CTBP2: variants seen among roughly 807,000 people sequenced by gnomAD.
CTBP2 encodes the protein C-terminal-binding protein 2.
In CTBP2, 30 loss-of-function variants were observed where a neutral mutation model predicts 80.3. The observed-to-expected ratio is 0.37, with a 90% CI of 0.28 to 0.51. The LOEUF (loss-of-function observed/expected upper bound fraction) is 0.51, where lower values mean the gene tolerates loss of function less well. Among genes scored for constraint, CTBP2 ranks in the 20% least tolerant of loss-of-function variants. The probability of loss-of-function intolerance (pLI) is 0.93; values close to 1 mark genes in which losing one functional copy is unlikely to be tolerated. For synonymous variants in CTBP2, 594 were observed against 587.4 expected, an observed-to-expected ratio of 1.01 and a Z score of -0.16; for missense variants, 1,212 against 1,375.3, an observed-to-expected ratio of 0.88 and a Z score of 1.88.
chr10:125,114,550 TTA>T (rs1004020449), intron 1 of CTBP2, among the ~76,000 whole-genome samples: 1 of 152,058 alleles, frequency 6.6e-6, no homozygotes, highest in Non-Finnish European at 1.5e-5. Flanking sequence ...TGTTTTGTTC[TTA>T]TACTAAGTCA....
At position 125,062,292 on chromosome 10, in the gene CTBP2, G is replaced by A. The variant is rs193155280; in HGVS notation, c.-101-23137C>T. Among the ~76,000 whole-genome samples, 391 of 152,284 alleles carry A rather than the reference G, an allele frequency of 2.6e-3. 1 individual carries two copies. The highest frequency in any genetic ancestry group is 8.8e-3 in the African/African-American group (366 of 41,558). Reference sequence around the variant, plus strand: ...AGCAAATGTTAGTCCTTTTATTTTAGGAAAATACACTGAACTATTTGTTGA... The same window carrying A: ...AGCAAATGTTAGTCCTTTTATTTTAAGAAAATACACTGAACTATTTGTTGA... On this transcript the variant is annotated intron_variant, in intron 2 of 10. Coordinates refer to the CTBP2 transcript ENST00000337195.
chr10:125,065,476 GGAAGGCGA>G (rs1359480744), intron 2 of CTBP2, among the ~76,000 whole-genome samples: 2 of 152,164 alleles, frequency 1.3e-5, no homozygotes, highest in Non-Finnish European at 2.9e-5. Context: ...GGGGCTTTGG[GGAAGGCGA>G]GGTGGCGAAG....
chr10:125,025,698 C>T (rs1352651111), intron 1 of CTBP2, among the ~76,000 whole-genome samples: 1 of 152,244 alleles, frequency 6.6e-6, no homozygotes, highest in Non-Finnish European at 1.5e-5. Flanking sequence ...TTCCTGCCTT[C>T]TCCAAAGTTC....
intron 1 of CTBP2, among the ~76,000 whole-genome samples, chr10:125,140,828 CA>C (rs1462574397): frequency 2.7e-5 from 4 of 150,184 alleles, no homozygotes; most frequent in Admixed American, 2.6e-4. Flanking sequence ...GTCAAAAAAA[CA>C]ATAAAAAGAA....
chr10:125,088,672 C>T (rs1308702251), intron 2 of CTBP2, among the ~76,000 whole-genome samples: 1 of 152,202 alleles, frequency 6.6e-6, no homozygotes, highest in East Asian at 1.9e-4. Flanking sequence ...CTGGAAATTA[C>T]ACAGTAAGTG....
intron 2 of CTBP2, among the ~76,000 whole-genome samples, chr10:125,054,806 C>G (rs768668499): frequency 5.3e-5 from 8 of 152,128 alleles, no homozygotes; most frequent in Non-Finnish European, 1.0e-4. Context: ...CAAGCGAAAC[C>G]CTCTAAATCC....
At chr10:125,000,473 T>A in intron 3 of CTBP2, 1 of 151,674 alleles carries the variant, frequency 6.6e-6, no homozygotes, top group East Asian at 1.9e-4. Flanking sequence ...CGTGCTTTAA[T>A]CCCTTCATGA....
chr10:125,005,854 C>T (rs1278157323), intron 1 of CTBP2: 1 of 1,573,928 alleles, frequency 6.4e-7, no homozygotes, highest in Non-Finnish European at 8.6e-7. Flanking sequence ...CCCAACTTCA[C>T]TTTCAGGGGT....
intron 2 of CTBP2, among the ~76,000 whole-genome samples, chr10:125,045,916 G>T (rs1961120019): frequency 6.6e-6 from 1 of 151,794 alleles, no homozygotes; most frequent in African/African-American, 2.4e-5. Context: ...TCACACCCTG[G>T]TCACATGCCC....
chr10:125,027,651 TC>T lies in CTBP2; in HGVS notation c.108del (p.Arg37GlyfsTer5), dbSNP rs773108805. The T allele has an allele frequency of 1.2e-6, 2 of 1,613,734 alleles. No homozygotes were observed. Among genetic ancestry groups the T allele is most frequent in the East Asian group, 2.2e-5 (1 of 44,880 alleles). On this transcript the variant is annotated frameshift_variant, in exon 1 of 9. Coordinates refer to ENST00000309035, the MANE Select transcript of CTBP2 (RefSeq NM_022802.3). LOFTEE classifies it high-confidence loss of function. ...GTGCCATACGTCAGGGAGCTTCTCCTCCCCAGAGGCCGCAGGGACTCGGCGT... is the reference window on the plus strand; with the variant it reads ...GTGCCATACGTCAGGGAGCTTCTCCTCCCAGAGGCCGCAGGGACTCGGCGT...
chr10:125,124,375 G>T (rs1387355497), intron 1 of CTBP2, among the ~76,000 whole-genome samples: 1 of 152,208 alleles, frequency 6.6e-6, no homozygotes, highest in Admixed American at 6.5e-5. Flanking sequence ...AAAACTGCAG[G>T]AGCGTCTTTG....
chr10:125,075,130 A>G (rs1846082984), intron 2 of CTBP2, among the ~76,000 whole-genome samples: 1 of 152,244 alleles, frequency 6.6e-6, no homozygotes, highest in Non-Finnish European at 1.5e-5. Context: ...CATCATAAAA[A>G]GCTTCTGCTC....
rs114205916 is a variant in CTBP2 at position 125,058,472 on chromosome 10, T to C, written c.-101-19317A>G. On this transcript the variant is annotated intron_variant, in intron 2 of 10. Coordinates refer to the CTBP2 transcript ENST00000337195. ...GTGTTCACACAGCGAGGCATGGGCG[T>C]GTGTCGCAACTATTCCCCTGTTGAA... 3.3e-3 allele frequency among the ~76,000 whole-genome samples: 503 copies of C among 152,190 alleles called. 5 individuals are homozygous for C. Among genetic ancestry groups the C allele is most frequent in the African/African-American group, 0.012 (490 of 41,528 alleles).
In CTBP2 at chr10:124,994,698, A is replaced by G; in HGVS notation, c.2186-15T>C. Reference sequence around the variant, plus strand: ...CCCCGTGCGACCTGTACAGAAACAGAGCGTCCAGGTGAGTGAGTCCACAGC... The same window carrying G: ...CCCCGTGCGACCTGTACAGAAACAGGGCGTCCAGGTGAGTGAGTCCACAGC... On this transcript the variant is annotated splice_polypyrimidine_tract_variant and intron_variant, in intron 4 of 8. Coordinates refer to ENST00000309035, the MANE Select transcript of CTBP2 (RefSeq NM_022802.3). The G allele has an allele frequency of 1.2e-6, 2 of 1,613,716 alleles. No individual in the cohort carries two copies. The highest frequency in any genetic ancestry group is 1.7e-6 in the Non-Finnish European group (2 of 1,179,636).
intron 2 of CTBP2, among the ~76,000 whole-genome samples, chr10:125,102,578 G>A (rs57041847): frequency 0.012 from 1,812 of 152,326 alleles, 33 homozygotes; most frequent in African/African-American, 0.041. Flanking sequence ...GGAAGCTGTC[G>A]CCCTGTGTCA....
In CTBP2 at chr10:125,003,830, C is replaced by A. The variant is rs530658061; in HGVS notation, c.1679-338G>T. Reference sequence around the variant, plus strand: ...TGCACCGCGTGCCTCCCTGCCTGCACCGGCACCAGCTGCCCCTCACACACT... The same window carrying A: ...TGCACCGCGTGCCTCCCTGCCTGCAACGGCACCAGCTGCCCCTCACACACT... On this transcript the variant is annotated intron_variant, in intron 1 of 8. Transcript: ENST00000309035. Among the ~76,000 whole-genome samples, 160 of 151,894 alleles carry A rather than the reference C, an allele frequency of 1.1e-3. 1 individual carries two copies. The highest frequency in any genetic ancestry group is 1.8e-3 in the Admixed American group (28 of 15,278).
intron 1 of CTBP2, among the ~76,000 whole-genome samples, chr10:125,011,719 C>T (rs758185167): frequency 5.3e-5 from 8 of 152,328 alleles, no homozygotes; most frequent in East Asian, 1.9e-4. Context: ...GCAGTGTCCG[C>T]GCTATGCGGA....
chr10:125,110,483 C>T (rs1023534452), intron 2 of CTBP2, among the ~76,000 whole-genome samples: 1 of 152,132 alleles, frequency 6.6e-6, no homozygotes, highest in Non-Finnish European at 1.5e-5. Flanking sequence ...CCAGAAAAAT[C>T]ATGGTATGTT....
chr10:125,006,378 C>T (rs990699920), intron 1 of CTBP2, among the ~76,000 whole-genome samples: 4 of 152,256 alleles, frequency 2.6e-5, no homozygotes, highest in Non-Finnish European at 2.9e-5. Context: ...CACAGGAGAC[C>T]CCCAAGCCCT....
Sources: gnomAD v4.1 joint callset for allele counts (sites outside exome capture counted in the v4.1 genomes callset) on GRCh38, gnomAD v4.1.1 for gene constraint, MANE v1.5 for transcripts, NCBI Gene and HGNC (gene_info 2026-07-23, HGNC 2026-07-21) for gene names.